Variants in LRRC37A2 observed in about 807,000 individuals in gnomAD.
LRRC37A2 encodes the protein leucine-rich repeat-containing protein 37A2.
Under a neutral mutation model 68.8 loss-of-function variants are expected in LRRC37A2, and 9 were observed. The observed-to-expected ratio is 0.13, with a 90% CI of 0.08 to 0.23. LRRC37A2 has a LOEUF of 0.23. Among genes scored for constraint, LRRC37A2 ranks in the 10% least tolerant of loss-of-function variants. The pLI is 1.00. For synonymous variants in LRRC37A2, 63 were observed against 367.6 expected (o/e 0.17, Z 9.48); for missense variants, 168 against 950.4 (o/e 0.18, Z 10.82).
At chr17:46,516,284 CAG>C (rs1422400514) in intron 2 of LRRC37A2, among the ~76,000 whole-genome samples, 2 of 111,932 alleles carry the variant, frequency 1.8e-5, no homozygotes, top group African/African-American at 6.2e-5. Context: ...GCCTGGGCGA[CAG>C]AGCAAGACTC....
chr17:46,494,317 A>T, the LRRC37A2 span, among the ~76,000 whole-genome samples: 1 of 148,442 alleles, frequency 6.7e-6, no homozygotes, highest in African/African-American at 2.6e-5. Flanking sequence ...GATTAACCAC[A>T]TTTTTTCTTT....
At chr17:46,530,466 G>T (rs545313464) in intron 6 of LRRC37A2, among the ~76,000 whole-genome samples, 2 of 139,366 alleles carry the variant, frequency 1.4e-5, no homozygotes, top group East Asian at 4.3e-4. Flanking sequence ...AGAGGAGGGG[G>T]ATCACAAGGC....
the LRRC37A2 span, among the ~76,000 whole-genome samples, chr17:46,987,659 C>T: frequency 5.7e-3 from 861 of 152,142 alleles, 9 homozygotes; most frequent in African/African-American, 0.019. Flanking sequence ...ACTGGCACTC[C>T]AGCAAATATA....
the LRRC37A2 span, chr17:46,763,830 CCAAAAAAAAAAAAAAA>C: frequency 6.9e-5 from 1 of 14,424 alleles, no homozygotes; most frequent in Non-Finnish European, 1.6e-4. Context: ...TCCACTACCA[CCAAAAAAAAAAAAAAA>C]CAAAAAAACA....
the LRRC37A2 span, among the ~76,000 whole-genome samples, chr17:46,707,102 C>T: frequency 9.9e-5 from 15 of 152,094 alleles, no homozygotes; most frequent in African/African-American, 2.7e-4. Flanking sequence ...CTGCCTGCCT[C>T]GGCTTTCCAA....
the LRRC37A2 span, among the ~76,000 whole-genome samples, chr17:46,988,114 G>A: frequency 6.6e-6 from 1 of 152,252 alleles, no homozygotes; most frequent in East Asian, 1.9e-4. Flanking sequence ...GGATGTTGCA[G>A]TGAGCCGAGA....
At chr17:46,818,450 C>T in the LRRC37A2 span, 2 of 1,511,716 alleles carry the variant, frequency 1.3e-6, no homozygotes, top group Non-Finnish European at 1.8e-6. Flanking sequence ...CACCCCCAGC[C>T]GGCGCCCCCA....
chr17:46,757,664 T>C, the LRRC37A2 span, among the ~76,000 whole-genome samples: 1 of 151,738 alleles, frequency 6.6e-6, no homozygotes, highest in Non-Finnish European at 1.5e-5. Context: ...AAAAAGTTAA[T>C]ATACAACCAT....
the LRRC37A2 span, among the ~76,000 whole-genome samples, chr17:47,009,360 C>T: frequency 6.6e-6 from 1 of 152,200 alleles, no homozygotes; most frequent in African/African-American, 2.4e-5. Flanking sequence ...TTGCCCTGAG[C>T]CGCACATCCA....
chr17:47,049,087 G>C, the LRRC37A2 span: 4 of 757,688 alleles, frequency 5.3e-6, no homozygotes, highest in Non-Finnish European at 9.0e-6. Context: ...TCTCCTCTCT[G>C]AATGGCACTC....
chr17:46,817,557 G>A, the LRRC37A2 span, among the ~76,000 whole-genome samples: 6 of 152,168 alleles, frequency 3.9e-5, no homozygotes, highest in African/African-American at 7.2e-5. Context: ...GGGCCGCTCG[G>A]AAAACAAGGG....
chr17:46,848,932 G>GCACACACACA, the LRRC37A2 span, among the ~76,000 whole-genome samples: 12,971 of 146,248 alleles, frequency 0.089, 1,142 homozygotes, highest in East Asian at 0.41. Context: ...GTGTGCACGT[G>GCACACACACA]CACACACACA....
chr17:46,870,818 T>C, the LRRC37A2 span, among the ~76,000 whole-genome samples: 1 of 152,004 alleles, frequency 6.6e-6, no homozygotes, highest in Admixed American at 6.6e-5. Context: ...CCACAGGACT[T>C]ACCTTGGCCA....
At chr17:46,933,537 A>G in the LRRC37A2 span, 4 of 152,106 alleles carry the variant, frequency 2.6e-5, no homozygotes, top group African/African-American at 7.2e-5. Context: ...CCTGACGCCT[A>G]TCTGTGAGGA....
chr17:47,018,901 C>A, the LRRC37A2 span: 1 of 1,519,202 alleles, frequency 6.6e-7, no homozygotes, highest in Non-Finnish European at 9.1e-7. Context: ...ATGAAGGAGA[C>A]CCCAACTCAG....
At chr17:46,926,299 G>GT in the LRRC37A2 span, among the ~76,000 whole-genome samples, 1 of 152,168 alleles carries the variant, frequency 6.6e-6, no homozygotes, top group African/African-American at 2.4e-5. Context: ...ACATGATGCT[G>GT]TGTAGGTTAC....
the LRRC37A2 span, chr17:46,757,453 T>C: frequency 6.6e-6 from 1 of 152,564 alleles, no homozygotes; most frequent in Non-Finnish European, 1.5e-5. Flanking sequence ...AAAGAGTAAA[T>C]ATACTTGAAA....
chr17:46,782,175 A>C, the LRRC37A2 span, among the ~76,000 whole-genome samples: 1 of 152,148 alleles, frequency 6.6e-6, no homozygotes, highest in Admixed American at 6.5e-5. Flanking sequence ...CTTTGCCCTT[A>C]CCTTTCTCCA....
the LRRC37A2 span, among the ~76,000 whole-genome samples, chr17:46,889,798 T>C: frequency 2.0e-3 from 311 of 152,278 alleles, 2 homozygotes; most frequent in African/African-American, 7.2e-3. Flanking sequence ...CAGCTTCTAC[T>C]AGCAACCAGA....
Sources: allele counts gnomAD v4.1 joint callset (sites outside exome capture counted in the v4.1 genomes callset), GRCh38; gene constraint gnomAD v4.1.1; transcripts MANE v1.5; gene names NCBI Gene and HGNC (gene_info 2026-07-23, HGNC 2026-07-21).